Variants in AMPH observed in about 807,000 individuals in gnomAD.
The protein encoded by AMPH is amphiphysin.
AMPH carries 49 observed loss-of-function variants against 99.1 expected under a neutral mutation model. The observed-to-expected ratio is 0.49, with a 90% CI of 0.39 to 0.63. The LOEUF (loss-of-function observed/expected upper bound fraction) is 0.63, where lower values mean the gene tolerates loss of function less well. Ranked by LOEUF, AMPH falls within the 20% of genes least tolerant of loss-of-function variation. The probability of loss-of-function intolerance (pLI) is 0.00; values close to 1 mark genes in which losing one functional copy is unlikely to be tolerated. For missense variants in AMPH, 759 were observed against 863.4 expected, an observed-to-expected ratio of 0.88 and a Z score of 1.52; for synonymous variants, 314 against 317.3, an observed-to-expected ratio of 0.99 and a Z score of 0.11.
intron 18 of AMPH, among the ~76,000 whole-genome samples, chr7:38,392,335 T>TGA (rs1285513896): frequency 1.3e-5 from 2 of 149,586 alleles, no homozygotes; most frequent in Non-Finnish European, 3.0e-5. Flanking sequence ...GAGGCCATCC[T>TGA]GAGAGGGATT....
chr7:38,535,704 C>T (rs1255391938), intron 1 of AMPH, among the ~76,000 whole-genome samples: 3 of 152,166 alleles, frequency 2.0e-5, no homozygotes, highest in Non-Finnish European at 2.9e-5. Flanking sequence ...TGTGACAGAA[C>T]ATCAGGTATT....
intron 7 of AMPH, among the ~76,000 whole-genome samples, chr7:38,471,109 G>A (rs572009915): frequency 1.3e-3 from 196 of 152,222 alleles, no homozygotes; most frequent in Non-Finnish European, 1.9e-3. Flanking sequence ...TTTGTTGAAT[G>A]CATGATAAAT....
intron 11 of AMPH, 60 bp from the exon 12 acceptor site, chr7:38,436,448 A>G (rs971412328): frequency 8.2e-7 from 1 of 1,221,874 alleles, no homozygotes; most frequent in Non-Finnish European, 1.2e-6. Context: ...TGATAAGACC[A>G]TGATATAGCC....
chr7:38,571,281 T>TATATTTATATATAGAA (rs1562835247), intron 1 of AMPH, among the ~76,000 whole-genome samples: 1 of 44,084 alleles, frequency 2.3e-5, no homozygotes, highest in African/African-American at 8.6e-5. Flanking sequence ...ATATATATTT[T>TATATTTATATATAGAA]TATATATATT....
chr7:38,455,406 C>T (rs1043748157), intron 11 of AMPH, among the ~76,000 whole-genome samples: 1 of 151,984 alleles, frequency 6.6e-6, no homozygotes, highest in Non-Finnish European at 1.5e-5. Flanking sequence ...TCAAGATGGC[C>T]GACTAAAGAA....
chr7:38,570,983 T>A lies in AMPH; in HGVS notation c.70-35972A>T, dbSNP rs1404962863. 4.5e-3 allele frequency among the ~76,000 whole-genome samples: 37 copies of A among 8,170 alleles called. 10 individuals carry two copies. Among genetic ancestry groups the A allele is most frequent in the African/African-American group, 9.6e-3 (17 of 1,766 alleles). 5.4% of individuals were successfully genotyped at this position (8,170 alleles called of 152,430 possible). A position where few individuals can be genotyped will look rare whatever the true frequency, so the allele number is the denominator to read the frequency against. ...ATATATATATAGAATATATATATAT[T>A]CAATATATATATATTCATATATATA... On this transcript the variant is annotated intron_variant, in intron 1 of 20. Transcript: ENST00000356264.
intron 1 of AMPH, among the ~76,000 whole-genome samples, chr7:38,588,400 T>G (rs534845557): frequency 6.6e-6 from 1 of 152,170 alleles, no homozygotes; most frequent in Non-Finnish European, 1.5e-5. Context: ...TCTTCTCCAT[T>G]AAATCTTGGT....
rs1014239205 is a variant in AMPH at position 38,422,603 on chromosome 7, CATCT to C, written c.1216-130_1216-127del. 9.2e-4 allele frequency: 393 copies of C among 429,472 alleles called. 2 individuals carry two copies. In the East Asian group the frequency reaches 0.013, roughly 14 times the overall value. 26.6% of individuals were successfully genotyped at this position (429,472 alleles called of 1,614,324 possible). Reference sequence around the variant, plus strand: ...CTATCTATCTATCTATCTATCTATCCATCTATCTATCGACACTCTATCTATCTAA... The same window carrying C: ...CTATCTATCTATCTATCTATCTATCCATCTATCGACACTCTATCTATCTAA... On this transcript the variant is annotated intron_variant, in intron 15 of 20. Coordinates refer to ENST00000356264, the MANE Select transcript of AMPH (RefSeq NM_001635.4).
rs147706582 is a variant in AMPH at position 38,485,509 on chromosome 7, C to A, written c.396+5541G>T. Among the ~76,000 whole-genome samples, 1,057 of 151,920 alleles carry A rather than the reference C, an allele frequency of 7.0e-3. 18 individuals are homozygous for A. Among genetic ancestry groups the A allele is most frequent in the African/African-American group, 0.024 (1,000 of 41,522 alleles). On this transcript the variant is annotated intron_variant, in intron 5 of 20. Transcript: ENST00000356264. ...AACAGACGGCAATATAATAATAATA[C>A]AAAACCTTAATACCCCTCTTTCAAT...
At chr7:38,531,680 T>G (rs897620178) in intron 2 of AMPH, among the ~76,000 whole-genome samples, 2 of 152,204 alleles carry the variant, frequency 1.3e-5, no homozygotes, top group Non-Finnish European at 2.9e-5. Context: ...TTTGAATAAT[T>G]CTAGAACATC....
At chr7:38,396,316 G>T (rs1784667519) in intron 17 of AMPH, among the ~76,000 whole-genome samples, 1 of 152,072 alleles carries the variant, frequency 6.6e-6, no homozygotes, top group Non-Finnish European at 1.5e-5. Context: ...CAGATTTGAT[G>T]GTTTTAAAAA....
intron 1 of AMPH, among the ~76,000 whole-genome samples, chr7:38,597,300 T>A (rs903990722): frequency 6.6e-6 from 1 of 152,012 alleles, no homozygotes; most frequent in Non-Finnish European, 1.5e-5. Flanking sequence ...TCTGTCATCA[T>A]GAAAGTTATA....
chr7:38,555,276 C>T (rs1010257119), intron 1 of AMPH, among the ~76,000 whole-genome samples: 1 of 151,442 alleles, frequency 6.6e-6, no homozygotes, highest in Non-Finnish European at 1.5e-5. Context: ...ATTAGCCAAG[C>T]ATGGAGGCTT....
chr7:38,616,558 T>C (rs1432408495), intron 1 of AMPH, among the ~76,000 whole-genome samples: 1 of 152,194 alleles, frequency 6.6e-6, no homozygotes, highest in Non-Finnish European at 1.5e-5. Flanking sequence ...AGCTGCCTTA[T>C]TCACCATAGC....
At chr7:38,437,189 T>C (rs1040199062) in intron 11 of AMPH, among the ~76,000 whole-genome samples, 1 of 152,130 alleles carries the variant, frequency 6.6e-6, no homozygotes, top group Non-Finnish European at 1.5e-5. Context: ...ATGAAAACAA[T>C]GTGGGCTTGA....
chr7:38,463,277 A>C, intron 9 of AMPH, 164 bp from the exon 10 acceptor site: 1 of 875,308 alleles, frequency 1.1e-6, no homozygotes, highest in Non-Finnish European at 1.8e-6. Flanking sequence ...TGATGGTGAT[A>C]ACTGGTACCA....
At chr7:38,488,121 C>T (rs1180513932) in intron 5 of AMPH, among the ~76,000 whole-genome samples, 2 of 152,168 alleles carry the variant, frequency 1.3e-5, no homozygotes, top group Non-Finnish European at 2.9e-5. Context: ...TGTGGCAATT[C>T]CTCAAGGATC....
chr7:38,485,743 A>C (rs1402443939), intron 5 of AMPH, among the ~76,000 whole-genome samples: 3 of 151,988 alleles, frequency 2.0e-5, no homozygotes, highest in Non-Finnish European at 4.4e-5. Context: ...AAGTCTTAAC[A>C]AATTTAAGAA....
chr7:38,573,026 G>T (rs534530438), intron 1 of AMPH, among the ~76,000 whole-genome samples: 2 of 152,264 alleles, frequency 1.3e-5, no homozygotes, highest in African/African-American at 2.4e-5. Context: ...ATGTCATCAT[G>T]ATTAGTGTTA....
Sources: allele counts gnomAD v4.1 joint callset (sites outside exome capture counted in the v4.1 genomes callset), GRCh38; gene constraint gnomAD v4.1.1; transcripts MANE v1.5; gene names NCBI Gene and HGNC (gene_info 2026-07-23, HGNC 2026-07-21).